Variants in MYOM2 observed in about 807,000 individuals in gnomAD.
MYOM2 encodes myomesin 2, also known as myomesin-2.
Under a neutral mutation model 187.6 loss-of-function variants are expected in MYOM2, and 254 were observed. The observed-to-expected ratio is 1.35, with a 90% confidence interval of 1.22 to 1.50. The LOEUF is 1.50. Among genes scored for constraint, MYOM2 ranks in the 40% most tolerant of loss-of-function variants. The pLI is 0.00. For synonymous variants in MYOM2, 981 were observed against 753.8 expected, an observed-to-expected ratio of 1.30 and a Z score of -4.94; for missense variants, 2,796 against 1,924.0, an observed-to-expected ratio of 1.45 and a Z score of -8.48.
intron 20 of MYOM2, 38 bp downstream of exon 20, chr8:2,101,092 T>A: frequency 6.2e-7 from 1 of 1,605,086 alleles, no homozygotes; most frequent in Non-Finnish European, 8.5e-7. Context: ...ATGCCTGTAA[T>A]CCCAGCACTT....
In MYOM2 at chr8:2,086,300, G is replaced by A. The variant is rs1236824237; in HGVS notation, c.1644+910G>A. ...GGCACCCCACTGTCGTGATCTCCGC[G>A]TGGCCCCCCACAGTCGTGATCTCTG... On this transcript the variant is annotated intron_variant, in intron 14 of 36. Transcript: ENST00000262113. 4.9e-5 allele frequency among the ~76,000 whole-genome samples: 7 copies of A among 142,454 alleles called. 1 individual carries two copies. The highest frequency in any genetic ancestry group is 7.9e-5 in the African/African-American group (3 of 37,902). The allele number at this position is 142,454 out of a possible 152,430, so 93.5% of individuals were successfully genotyped here. A position where few individuals can be genotyped will look rare whatever the true frequency, so the allele number is the denominator to read the frequency against.
chr8:2,137,983 G>A lies in MYOM2; in HGVS notation c.3801-2740G>A, dbSNP rs531250133. On this transcript the variant is annotated intron_variant, in intron 32 of 36. Transcript: ENST00000262113. ...GTGGCTAATCCACTGCCTGGTATAT[G>A]TTCTGTGCAAGGTTTTTCTTTTCTG... 9.8e-5 allele frequency among the ~76,000 whole-genome samples: 15 copies of A among 152,304 alleles called. 1 individual carries two copies. Among genetic ancestry groups the A allele is most frequent in the African/African-American group, 2.4e-4 (10 of 41,570 alleles).
intron 25 of MYOM2, among the ~76,000 whole-genome samples, chr8:2,115,366 G>A (rs6983960): frequency 0.62 from 94,938 of 152,132 alleles, 30,378 homozygotes; most frequent in African/African-American, 0.75. Context: ...TACCTAAATA[G>A]AACACATTCA....
intron 27 of MYOM2, 125 bp from the exon 28 acceptor site, chr8:2,117,760 T>C (rs886454931): frequency 2.3e-5 from 13 of 559,466 alleles, no homozygotes; most frequent in African/African-American, 2.3e-4. Flanking sequence ...ATATATATAA[T>C]ACATTCTTAT....
chr8:2,102,554 A>T, intron 20 of MYOM2, 113 bp from the exon 21 acceptor site: 3 of 583,940 alleles, frequency 5.1e-6, no homozygotes, highest in Non-Finnish European at 9.1e-6. Context: ...CATTTTCCTA[A>T]CTGGAAAAAT....
intron 32 of MYOM2, among the ~76,000 whole-genome samples, chr8:2,136,256 G>A (rs1462156057): frequency 3.9e-5 from 6 of 152,216 alleles, no homozygotes; most frequent in South Asian, 4.1e-4. Flanking sequence ...GAAGGGTAGC[G>A]TCCCAGCTGC....
chr8:2,136,900 A>G (rs935960156), intron 32 of MYOM2, among the ~76,000 whole-genome samples: 4 of 152,182 alleles, frequency 2.6e-5, no homozygotes, highest in Non-Finnish European at 4.4e-5. Context: ...TTCATGAAGC[A>G]TTTGCAGCGC....
chr8:2,080,944 C>T lies in MYOM2; in HGVS notation c.1516+1331C>T, dbSNP rs1244901405. ...CTGCGGGAGGAACAGGCAGCCCAGC[C>T]CTTGCAGAATGAGGTTTGGTTCTGG... On this transcript the variant is annotated intron_variant, in intron 13 of 36. Coordinates refer to ENST00000262113, the MANE Select transcript of MYOM2 (RefSeq NM_003970.4). 8.0e-3 allele frequency among the ~76,000 whole-genome samples: 1,157 copies of T among 144,580 alleles called. 33 individuals carry two copies. The highest frequency in any genetic ancestry group is 0.029 in the African/African-American group (1,116 of 38,176). The allele number at this position is 144,580 out of a possible 152,430, so 94.9% of individuals were successfully genotyped here.
At position 2,098,929 on chromosome 8, in the gene MYOM2, C is replaced by A. The variant is rs1417654729; in HGVS notation, c.2386C>A (p.Pro796Thr). The A allele has an allele frequency of 7.4e-6, 12 of 1,612,836 alleles. No individual in the cohort carries two copies. The highest frequency in any genetic ancestry group is 1.6e-4 in the Middle Eastern group (1 of 6,070). The change falls in exon 19 of 37, where the codon CCC (proline) becomes ACC (threonine). Residue 796 changes from proline (P) to threonine (T), a missense_variant. Coordinates refer to ENST00000262113, the MANE Select transcript of MYOM2 (RefSeq NM_003970.4). ...CGTCAACCTGGCCGGCATCGGGGAG[C>A]CCTCAGATCCCAGTGAGCACTTCAA... ...AAVNLAGIGE[P>T]SDPSEHFKCE...
At chr8:2,057,562 G>A in intron 4 of MYOM2, 61 bp from the exon 5 acceptor site, 15 of 1,612,830 alleles carry the variant, frequency 9.3e-6, no homozygotes, top group Non-Finnish European at 1.3e-5. Context: ...GTGCTTGAGG[G>A]GCCGAGGGTG....
chr8:2,120,765 T>C (rs1797426122), intron 28 of MYOM2, among the ~76,000 whole-genome samples: 1 of 141,478 alleles, frequency 7.1e-6, no homozygotes, highest in Non-Finnish European at 1.5e-5. Flanking sequence ...TCCCTTCCTC[T>C]CTTCTTGAAA....
In MYOM2 at chr8:2,092,438, C is replaced by A; in HGVS notation, c.1921C>A (p.Leu641Met). ...GGACCGACCTAAGCATGAGGAGGAC[C>A]TGCTGGGCTACTACGTGGACTGCTG... ...QWDRPKHEED[L>M]LGYYVDCCVA... Residue 641 changes from leucine (L) to methionine (M), a missense_variant, in exon 16 of 37, where the codon CTG (leucine) becomes ATG (methionine). By Grantham distance (15) the Leu-to-Met change is conservative. Transcript: ENST00000262113. 1.2e-6 allele frequency: 2 copies of A among 1,614,162 alleles called. No individual in the cohort carries two copies. The highest frequency in any genetic ancestry group is 1.1e-5 in the South Asian group (1 of 91,082).
intron 31 of MYOM2, among the ~76,000 whole-genome samples, chr8:2,127,007 C>T (rs1410682855): frequency 6.6e-6 from 1 of 151,154 alleles, no homozygotes; most frequent in Non-Finnish European, 1.5e-5. Context: ...CTGGGAGAGG[C>T]TGATAGAGGC....
chr8:2,122,181 T>C (rs1218187946), intron 28 of MYOM2, among the ~76,000 whole-genome samples: 5 of 152,144 alleles, frequency 3.3e-5, no homozygotes, highest in Non-Finnish European at 7.3e-5. Flanking sequence ...AAAGAAAATT[T>C]TGAAATGTTA....
chr8:2,073,281 T>C (rs969419066), intron 9 of MYOM2, 58 bp from the exon 10 acceptor site: 3 of 1,560,344 alleles, frequency 1.9e-6, no homozygotes, highest in Non-Finnish European at 2.6e-6. Context: ...TCCCCGAGGC[T>C]TTCTTTGCCT....
In MYOM2 at chr8:2,144,726, C is replaced by T. The variant is rs145385079; in HGVS notation, c.4143C>T (p.Asn1381=). 305 of 1,614,092 alleles carry T rather than the reference C, an allele frequency of 1.9e-4. 4 individuals are homozygous for T. Among genetic ancestry groups the T allele is most frequent in the Middle Eastern group, 1.3e-3 (8 of 6,062 alleles). ...NPDPEVIWFK[N]DQDIQLSEHF... ...ACCCCGAAGTGATTTGGTTCAAGAA[C>T]GACCAGGACATCCAGCTCAGCGAGC... The change falls in exon 37 of 37, where the codon AAC becomes AAT. Residue 1381 remains asparagine, a synonymous_variant. Coordinates refer to ENST00000262113, the MANE Select transcript of MYOM2 (RefSeq NM_003970.4).
intron 33 of MYOM2, 88 bp downstream of exon 33, chr8:2,140,974 G>T: frequency 7.4e-7 from 1 of 1,351,200 alleles, no homozygotes. Context: ...ATGAATACAA[G>T]AGACAATATG....
At chr8:2,139,351 G>T (rs553893334) in intron 32 of MYOM2, among the ~76,000 whole-genome samples, 1 of 151,890 alleles carries the variant, frequency 6.6e-6, no homozygotes, top group South Asian at 2.1e-4. Flanking sequence ...TTGTTTTCCA[G>T]GCTGGTCTCC....
At chr8:2,123,160 G>C (rs562554951) in intron 28 of MYOM2, 92 bp from the exon 29 acceptor site, 1,166 of 815,094 alleles carry the variant, frequency 1.4e-3, no homozygotes, top group Non-Finnish European at 2.0e-3. Context: ...TTTTTTGAGG[G>C]GGGGGCTCTG....
Sources: gnomAD v4.1 joint callset for allele counts (sites outside exome capture counted in the v4.1 genomes callset) on GRCh38, gnomAD v4.1.1 for gene constraint, MANE v1.5 for transcripts, NCBI Gene and HGNC (gene_info 2026-07-23, HGNC 2026-07-21) for gene names.